Variants in TEX9 observed in about 807,000 individuals in gnomAD.
TEX9 encodes the protein testis expressed 9.
Under a neutral mutation model 59.6 loss-of-function variants are expected in TEX9, and 74 were observed. The observed-to-expected ratio is 1.24, with a 90% confidence interval of 1.03 to 1.51. The LOEUF is 1.51. Among genes scored for constraint, TEX9 ranks in the 40% most tolerant of loss-of-function variants. The pLI is 0.00. For synonymous variants in TEX9, 186 were observed against 152.2 expected (o/e 1.22, Z -1.64); for missense variants, 522 against 447.8 (o/e 1.17, Z -1.49).
At chr15:56,262,905 T>C (rs540065147) in intron 1 of TEX9, among the ~76,000 whole-genome samples, 3 of 152,378 alleles carry the variant, frequency 2.0e-5, no homozygotes, top group African/African-American at 7.2e-5. Flanking sequence ...TTGTCTGATA[T>C]TAATATAACC....
chr15:56,247,524 T>C (rs2043889220), intron 1 of TEX9, among the ~76,000 whole-genome samples: 1 of 152,064 alleles, frequency 6.6e-6, no homozygotes. Flanking sequence ...TGAGCACTGG[T>C]GTGAAGCCAT....
At chr15:56,355,795 T>C (rs1291862072) in intron 1 of TEX9, among the ~76,000 whole-genome samples, 1 of 152,080 alleles carries the variant, frequency 6.6e-6, no homozygotes, top group Non-Finnish European at 1.5e-5. Context: ...TTGTACATGT[T>C]TTGGTAGATT....
At chr15:56,300,478 T>G (rs1321365419) in intron 1 of TEX9, among the ~76,000 whole-genome samples, 1 of 151,920 alleles carries the variant, frequency 6.6e-6, no homozygotes, top group African/African-American at 2.4e-5. Context: ...TGGATTTGCC[T>G]TCTAGACAGA....
At chr15:56,443,596 T>G (rs890994106) in intron 12 of TEX9, 11 of 1,590,004 alleles carry the variant, frequency 6.9e-6, no homozygotes, top group Non-Finnish European at 9.4e-6. Flanking sequence ...TAACTAATAT[T>G]TCAGAATTTT....
the TEX9 span, among the ~76,000 whole-genome samples, chr15:56,456,222 ACTT>A: frequency 6.6e-6 from 1 of 152,136 alleles, no homozygotes; most frequent in Non-Finnish European, 1.5e-5. Context: ...CATGAATACA[ACTT>A]CTTTTCTCAA....
At chr15:56,440,921 A>G (rs1802408855) in intron 12 of TEX9, among the ~76,000 whole-genome samples, 1 of 152,110 alleles carries the variant, frequency 6.6e-6, no homozygotes, top group South Asian at 2.1e-4. Context: ...TTCTACTTTT[A>G]GACTATTGTG....
intron 9 of TEX9, 73 bp downstream of exon 9, chr15:56,394,907 G>A (rs757657117): frequency 1.2e-4 from 169 of 1,404,372 alleles, no homozygotes; most frequent in Non-Finnish European, 1.5e-4. Context: ...CATTTGTATA[G>A]ATGCCATTTT....
At chr15:56,394,788 A>C in exon 9 of TEX9, 1 of 1,613,256 alleles carries the variant, frequency 6.2e-7, no homozygotes, top group East Asian at 2.2e-5. Flanking sequence ...GAAGAAGCAA[A>C]CAAAAAGTAT....
chr15:56,309,737 CAG>C (rs2045567098), intron 1 of TEX9, among the ~76,000 whole-genome samples: 2 of 74,640 alleles, frequency 2.7e-5, no homozygotes, highest in Admixed American at 1.9e-4. Flanking sequence ...AGCAGTGAAA[CAG>C]ATTTTATTCA....
At position 56,404,271 on chromosome 15, in the gene TEX9, A is replaced by C. The variant is rs868511567; in HGVS notation, c.829-8031A>C. Among the ~76,000 whole-genome samples the C allele has an allele frequency of 3.9e-5, 6 of 152,204 alleles. No individual in the cohort carries two copies. In the South Asian group the frequency reaches 1.0e-3, roughly 26 times the overall value. ...GCTAATATATACAGAATCTACAAAG[A>C]ACTTAAACAAATTTACAAGAAGAAA... On this transcript the variant is annotated intron_variant, in intron 9 of 12. Transcript: ENST00000352903.
At chr15:56,268,501 C>T (rs1400240097) in intron 1 of TEX9, among the ~76,000 whole-genome samples, 6 of 152,174 alleles carry the variant, frequency 3.9e-5, no homozygotes, top group African/African-American at 1.4e-4. Flanking sequence ...TACGTCCCAT[C>T]AATACCTAAT....
intron 12 of TEX9, among the ~76,000 whole-genome samples, chr15:56,437,798 C>G (rs2050753787): frequency 1.3e-5 from 2 of 152,164 alleles, no homozygotes; most frequent in Non-Finnish European, 2.9e-5. Context: ...GTACAAAAAT[C>G]ACAAGCATTC....
intron 2 of TEX9, among the ~76,000 whole-genome samples, chr15:56,370,262 T>G (rs2047135395): frequency 6.6e-6 from 1 of 152,150 alleles, no homozygotes; most frequent in South Asian, 2.1e-4. Context: ...CCTCTGTCTT[T>G]TAAATTAGAT....
At chr15:56,364,183 C>T (rs535156795), upstream of TEX9, among the ~76,000 whole-genome samples, 68 of 149,162 alleles carry the variant, frequency 4.6e-4, no homozygotes, top group African/African-American at 1.5e-3. Context: ...GATGGAATTT[C>T]GCTCTTGTTG....
At chr15:56,289,392 C>T (rs1042250314) in intron 1 of TEX9, among the ~76,000 whole-genome samples, 3 of 152,082 alleles carry the variant, frequency 2.0e-5, no homozygotes, top group African/African-American at 7.2e-5. Context: ...AAGATCTTCC[C>T]CTACAAGAAG....
At chr15:56,443,459 GT>G in intron 12 of TEX9, 2 of 1,591,274 alleles carry the variant, frequency 1.3e-6, no homozygotes, top group Non-Finnish European at 1.7e-6. Flanking sequence ...ATTTCAGCTT[GT>G]TCTTCCTGGT....
intron 12 of TEX9, among the ~76,000 whole-genome samples, chr15:56,437,882 A>C (rs1347252516): frequency 1.3e-5 from 2 of 152,172 alleles, no homozygotes; most frequent in African/African-American, 4.8e-5. Context: ...CAAAGAGAAT[A>C]AAATACCTAG....
At chr15:56,321,215 G>A (rs571521365) in intron 1 of TEX9, among the ~76,000 whole-genome samples, 1 of 152,248 alleles carries the variant, frequency 6.6e-6, no homozygotes, top group African/African-American at 2.4e-5. Flanking sequence ...AACTAAGCTG[G>A]AAGTTTGACT....
At chr15:56,247,630 A>G (rs573085999) in intron 1 of TEX9, among the ~76,000 whole-genome samples, 1 of 152,302 alleles carries the variant, frequency 6.6e-6, no homozygotes, top group South Asian at 2.1e-4. Context: ...AGAAGGAGAG[A>G]GAGACAAAAA....
Sources: gnomAD v4.1 joint callset for allele counts (sites outside exome capture counted in the v4.1 genomes callset) on GRCh38, gnomAD v4.1.1 for gene constraint, MANE v1.5 for transcripts, NCBI Gene and HGNC (gene_info 2026-07-23, HGNC 2026-07-21) for gene names.